KCNJ6: variants seen among roughly 807,000 people sequenced by gnomAD.
KCNJ6 encodes G protein-activated inward rectifier potassium channel 2.
A neutral mutation model predicts 34.2 loss-of-function variants in KCNJ6; 9 were observed. The observed-to-expected ratio is 0.26, with a 90% CI of 0.16 to 0.46. The LOEUF is 0.46. Among genes scored for constraint, KCNJ6 ranks in the 20% least tolerant of loss-of-function variants. The pLI is 1.00. For synonymous variants in KCNJ6, 196 were observed against 207.1 expected (o/e 0.95, Z 0.46); for missense variants, 236 against 531.3 (o/e 0.44, Z 5.46).
chr21:37,710,387 G>A (rs1269815183), intron 3 of KCNJ6, among the ~76,000 whole-genome samples: 2 of 152,202 alleles, frequency 1.3e-5, no homozygotes, highest in Admixed American at 6.5e-5. Flanking sequence ...GGATACAGAG[G>A]AAGCAAGTTT....
chr21:37,633,175 G>A (rs1023522157), intron 3 of KCNJ6, among the ~76,000 whole-genome samples: 1 of 152,178 alleles, frequency 6.6e-6, no homozygotes, highest in Admixed American at 6.5e-5. Flanking sequence ...GAATGCAAGG[G>A]TGGTTTAACC....
intron 1 of KCNJ6, among the ~76,000 whole-genome samples, chr21:37,852,998 A>G (rs1042091334): frequency 9.9e-5 from 15 of 152,238 alleles, no homozygotes; most frequent in African/African-American, 3.1e-4. Flanking sequence ...GAGAAAATAG[A>G]CTTAAAAAAA....
chr21:37,708,537 A>G (rs1386598804), intron 3 of KCNJ6, among the ~76,000 whole-genome samples: 1 of 149,120 alleles, frequency 6.7e-6, no homozygotes, highest in African/African-American at 2.5e-5. Flanking sequence ...TTCTTGATTT[A>G]CGGGTGGCAG....
intron 1 of KCNJ6, among the ~76,000 whole-genome samples, chr21:37,870,627 G>A (rs537621233): frequency 6.6e-6 from 1 of 151,050 alleles, no homozygotes; most frequent in African/African-American, 2.4e-5. Flanking sequence ...CTCTTAGGAA[G>A]GCATTTAAAA....
intron 2 of KCNJ6, among the ~76,000 whole-genome samples, chr21:37,715,705 C>G (rs545696494): frequency 6.6e-6 from 1 of 152,214 alleles, no homozygotes; most frequent in South Asian, 2.1e-4. Context: ...TCTAATAGGA[C>G]TGGTATCCTT....
At chr21:37,853,720 GAAA>G (rs1345554038) in intron 1 of KCNJ6, among the ~76,000 whole-genome samples, 2 of 151,432 alleles carry the variant, frequency 1.3e-5, no homozygotes, top group African/African-American at 4.9e-5. Flanking sequence ...ATATGTAGAG[GAAA>G]TATTTAAGAC....
At chr21:37,755,198 T>C (rs2055017889) in intron 2 of KCNJ6, among the ~76,000 whole-genome samples, 1 of 151,740 alleles carries the variant, frequency 6.6e-6, no homozygotes, top group South Asian at 2.1e-4. Flanking sequence ...GAAATTACAA[T>C]AAAGAAGAAA....
At chr21:37,848,753 A>G (rs538448498) in intron 1 of KCNJ6, among the ~76,000 whole-genome samples, 17 of 152,358 alleles carry the variant, frequency 1.1e-4, no homozygotes, top group Admixed American at 9.1e-4. Context: ...TCTTGAAAGC[A>G]TGTTGAGCAC....
intron 3 of KCNJ6, among the ~76,000 whole-genome samples, chr21:37,680,835 A>C (rs1174406597): frequency 6.6e-6 from 1 of 152,224 alleles, no homozygotes; most frequent in African/African-American, 2.4e-5. Context: ...ACAGATGTAT[A>C]TCTCTCTCTT....
intron 2 of KCNJ6, among the ~76,000 whole-genome samples, chr21:37,722,156 G>A (rs1053455258): frequency 6.6e-6 from 1 of 152,110 alleles, no homozygotes; most frequent in Non-Finnish European, 1.5e-5. Context: ...CACTAATAAT[G>A]TTCAAGCTGA....
At chr21:37,902,902 A>C (rs1210052762) in intron 1 of KCNJ6, among the ~76,000 whole-genome samples, 12 of 152,234 alleles carry the variant, frequency 7.9e-5, no homozygotes, top group Admixed American at 7.9e-4. Context: ...ATGACAGCAT[A>C]TAAATTACCC....
At chr21:37,785,567 A>G (rs946642712) in intron 2 of KCNJ6, among the ~76,000 whole-genome samples, 5 of 152,228 alleles carry the variant, frequency 3.3e-5, no homozygotes, top group African/African-American at 4.8e-5. Context: ...GTCAGGATGC[A>G]CTATTAGCAA....
At chr21:37,866,355 AGG>A (rs889395559) in intron 1 of KCNJ6, among the ~76,000 whole-genome samples, 3 of 152,198 alleles carry the variant, frequency 2.0e-5, no homozygotes, top group African/African-American at 7.2e-5. Flanking sequence ...CTGGTATACC[AGG>A]AGAGACATCA....
chr21:37,688,479 AG>A (rs2054625487), intron 3 of KCNJ6, among the ~76,000 whole-genome samples: 3 of 152,210 alleles, frequency 2.0e-5, no homozygotes, highest in African/African-American at 7.2e-5. Context: ...CATCAGATAA[AG>A]AATATGAGGT....
chr21:37,843,736 G>A (rs1291098204), intron 1 of KCNJ6, among the ~76,000 whole-genome samples: 1 of 152,162 alleles, frequency 6.6e-6, no homozygotes, highest in Non-Finnish European at 1.5e-5. Flanking sequence ...TGAAACTGAA[G>A]CCCAGGGAAG....
rs1405025206 is a variant in KCNJ6, at chr21:37,619,536, A to C, written c.*5623T>G. On this transcript the variant is annotated 3_prime_UTR_variant, in exon 4 of 4. Coordinates refer to ENST00000609713, the MANE Select transcript of KCNJ6 (RefSeq NM_002240.5). ...AGCTTAGTGGCTAGAGAGAGCAAAAACTAGCGCAATTAAACATGAGCTAGT... is the reference window on the plus strand; with the variant it reads ...AGCTTAGTGGCTAGAGAGAGCAAAACCTAGCGCAATTAAACATGAGCTAGT... 6.6e-6 allele frequency: 1 copy of C among 152,194 alleles called. No homozygotes were observed. The highest frequency in any genetic ancestry group is 1.5e-5 in the Non-Finnish European group (1 of 68,030). The allele number at this position is 152,194 out of a possible 1,614,324, so 9.4% of individuals were successfully genotyped here.
At position 37,841,235 on chromosome 21, in the gene KCNJ6, A is replaced by G. The variant is rs2055479356; in HGVS notation, c.-27-526T>C. 3.9e-5 allele frequency among the ~76,000 whole-genome samples: 6 copies of G among 152,222 alleles called. No homozygotes were observed. In the South Asian group the frequency reaches 1.2e-3, roughly 32 times the overall value. On this transcript the variant is annotated intron_variant, in intron 1 of 3. Coordinates refer to ENST00000609713, the MANE Select transcript of KCNJ6 (RefSeq NM_002240.5). ...ACCTTATCTACTTTGGGCTAAAAAC[A>G]TTTTGTTTTAACCGAGATATAGGTT...
chr21:37,897,336 GCA>G (rs2123641302), intron 1 of KCNJ6, among the ~76,000 whole-genome samples: 1 of 152,320 alleles, frequency 6.6e-6, no homozygotes, highest in African/African-American at 2.4e-5. Context: ...GAAGGTGTGT[GCA>G]CAGTGACCCC....
At chr21:37,729,814 G>C (rs183180914) in intron 2 of KCNJ6, among the ~76,000 whole-genome samples, 1 of 152,344 alleles carries the variant, frequency 6.6e-6, no homozygotes, top group East Asian at 1.9e-4. Context: ...CGTTCATAGG[G>C]CTGAGTCCAC....
Sources: gnomAD v4.1 joint callset for allele counts (sites outside exome capture counted in the v4.1 genomes callset) on GRCh38, gnomAD v4.1.1 for gene constraint, MANE v1.5 for transcripts, NCBI Gene and HGNC (gene_info 2026-07-23, HGNC 2026-07-21) for gene names.